Variants in LSP1 observed in about 807,000 individuals in gnomAD.
The protein encoded by LSP1 is lymphocyte-specific protein 1.
A neutral mutation model predicts 49.3 loss-of-function variants in LSP1; 32 were observed. The observed-to-expected ratio is 0.65, with a 90% CI of 0.49 to 0.87. The LOEUF (loss-of-function observed/expected upper bound fraction) is 0.87. LSP1 is among the 40% of genes least tolerant of loss of function. The pLI, the probability that LSP1 is intolerant of heterozygous loss-of-function variation, is 0.00. For synonymous variants in LSP1, 179 were observed against 178.8 expected (o/e 1.00, Z -0.01); for missense variants, 428 against 442.6 (o/e 0.97, Z 0.30).
intron 1 of LSP1, among the ~76,000 whole-genome samples, chr11:1,867,415 T>G (rs1017558813): frequency 5.4e-5 from 7 of 129,218 alleles, no homozygotes; most frequent in African/African-American, 2.1e-4. Context: ...ACCACTGCCA[T>G]GATCTCTTCT....
intron 1 of LSP1, among the ~76,000 whole-genome samples, chr11:1,879,344 T>TCAAA (rs965681897): frequency 6.6e-6 from 1 of 152,020 alleles, no homozygotes; most frequent in South Asian, 2.1e-4. Flanking sequence ...AAACTCCGTC[T>TCAAA]CAAACAAACA....
intron 1 of LSP1, chr11:1,864,277 C>A: frequency 1.0e-6 from 1 of 985,092 alleles, no homozygotes; most frequent in Non-Finnish European, 1.2e-6. Flanking sequence ...ACAAGAACGG[C>A]CGACGAAGGA....
chr11:1,891,764 A>G lies in LSP1; in HGVS notation c.*14-9A>G, dbSNP rs1849010256. ...CTAATGCCCCCTGCACCCCATGCCT[A>G]TGTTCCAGCTTCCTGGGTCTGCAGG... On this transcript the variant is annotated splice_polypyrimidine_tract_variant and intron_variant, in intron 10 of 10. Transcript: ENST00000311604. 1 of 152,358 alleles carries G rather than the reference A, an allele frequency of 6.6e-6. No individual in the cohort carries two copies. Among genetic ancestry groups the G allele is most frequent in the Non-Finnish European group, 1.5e-5 (1 of 68,198 alleles). 9.4% of individuals were successfully genotyped at this position (152,358 alleles called of 1,614,324 possible). A position where few individuals can be genotyped will look rare whatever the true frequency, so the allele number is the denominator to read the frequency against.
intron 1 of LSP1, among the ~76,000 whole-genome samples, chr11:1,854,884 T>G (rs1847449326): frequency 2.0e-5 from 3 of 152,188 alleles, no homozygotes; most frequent in Admixed American, 2.0e-4. Context: ...GGCCTCATCC[T>G]TGGCCACCCC....
In LSP1 at chr11:1,886,395, A is replaced by G. The variant is rs541942006; in HGVS notation, c.718-337A>G. On this transcript the variant is annotated intron_variant, in intron 7 of 10. Coordinates refer to ENST00000311604, the MANE Select transcript of LSP1 (RefSeq NM_002339.3). ...TAATCAATGCTCCTCCATCCAACCA[A>G]TACTCTGAAATTTAACCATTGTCCC... Among the ~76,000 whole-genome samples the G allele has an allele frequency of 6.7e-5, 10 of 149,212 alleles. No homozygotes were observed. In the South Asian group the frequency reaches 1.7e-3, roughly 25 times the overall value.
Position 1,889,499 on chromosome 11 carries a change from C to G in LSP1, c.*13+1923C>G, listed in dbSNP as rs1203394597. Reference sequence around the variant, plus strand: ...GGGTGGGCACCTCTGGCTCCAGGCTCTGCCGCGGCTCTGGGCACGGAGGCT... The same window carrying G: ...GGGTGGGCACCTCTGGCTCCAGGCTGTGCCGCGGCTCTGGGCACGGAGGCT... On this transcript the variant is annotated intron_variant, in intron 10 of 10. Coordinates refer to ENST00000311604, the MANE Select transcript of LSP1 (RefSeq NM_002339.3). 6.5e-6 allele frequency: 4 copies of G among 618,634 alleles called. No individual in the cohort carries two copies. The East Asian group carries it at 8.5e-5, about 13-fold the overall frequency. 38.3% of individuals were successfully genotyped at this position (618,634 alleles called of 1,614,324 possible). A position where few individuals can be genotyped will look rare whatever the true frequency, so the allele number is the denominator to read the frequency against.
At chr11:1,853,360 T>A (rs994774839) in intron 1 of LSP1, among the ~76,000 whole-genome samples, 163 bp downstream of exon 1, 2 of 152,122 alleles carry the variant, frequency 1.3e-5, no homozygotes, top group Non-Finnish European at 2.9e-5. Context: ...CACAGACAGG[T>A]GGCAGGAAGT....
At chr11:1,887,205 G>C (rs774442090) in intron 8 of LSP1, 32 bp from the exon 9 acceptor site, 14 of 1,430,596 alleles carry the variant, frequency 9.8e-6, no homozygotes, top group Non-Finnish European at 1.4e-5. Flanking sequence ...CCAGGGGTCT[G>C]CCCTTGTGAC....
At chr11:1,878,498 C>T (rs1306273665) in intron 1 of LSP1, among the ~76,000 whole-genome samples, 2 of 151,776 alleles carry the variant, frequency 1.3e-5, no homozygotes, top group Admixed American at 6.5e-5. Flanking sequence ...GCGGGGTGCA[C>T]AGGCGGCTGG....
At chr11:1,868,588 C>T (rs1847872362) in intron 1 of LSP1, 4 of 943,566 alleles carry the variant, frequency 4.2e-6, no homozygotes, top group Admixed American at 6.2e-5. Flanking sequence ...AGCCAGGCCT[C>T]CAACCACAGT....
chr11:1,862,532 G>A (rs1847668742), intron 1 of LSP1, among the ~76,000 whole-genome samples: 1 of 152,156 alleles, frequency 6.6e-6, no homozygotes, highest in Non-Finnish European at 1.5e-5. Context: ...AGGCAAGGAG[G>A]AAATAGGCAG....
chr11:1,865,311 C>T (rs1400734973), intron 1 of LSP1: 2 of 909,444 alleles, frequency 2.2e-6, no homozygotes, highest in East Asian at 2.4e-4. Flanking sequence ...GCAGGGTGCC[C>T]ATGCTGGGCT....
chr11:1,868,795 G>A, intron 1 of LSP1: 1 of 985,786 alleles, frequency 1.0e-6, no homozygotes, highest in Non-Finnish European at 1.2e-6. Context: ...AGAGCCCAGA[G>A]GACGGCGGTT....
chr11:1,876,751 G>C, intron 1 of LSP1: 2 of 578,350 alleles, frequency 3.5e-6, no homozygotes, highest in Admixed American at 6.3e-5. Flanking sequence ...GAGAAGAAGG[G>C]CCAGCGTCCC....
chr11:1,866,883 A>T (rs1416863114), intron 1 of LSP1: 1 of 1,531,282 alleles, frequency 6.5e-7, no homozygotes, highest in African/African-American at 1.4e-5. Flanking sequence ...GCATCCGTCC[A>T]GCGGGCCCAG....
chr11:1,873,251 C>T (rs1046261663), intron 1 of LSP1, among the ~76,000 whole-genome samples: 27 of 152,128 alleles, frequency 1.8e-4, no homozygotes, highest in Non-Finnish European at 2.5e-4. Context: ...GGCATACGCA[C>T]GGCCACTGCA....
intron 1 of LSP1, among the ~76,000 whole-genome samples, chr11:1,868,222 C>CA (rs1458969025): frequency 6.6e-5 from 10 of 152,230 alleles, no homozygotes; most frequent in Admixed American, 3.3e-4. Context: ...TGAGAGGGCA[C>CA]CAGGCCGGCT....
chr11:1,882,704 T>G (rs1239313328), intron 3 of LSP1, among the ~76,000 whole-genome samples: 1 of 152,146 alleles, frequency 6.6e-6, no homozygotes, highest in Non-Finnish European at 1.5e-5. Context: ...ACAGACCTGC[T>G]CCTGAATGGC....
intron 1 of LSP1, among the ~76,000 whole-genome samples, chr11:1,879,314 C>A (rs565091120): frequency 1.3e-5 from 2 of 152,204 alleles, no homozygotes; most frequent in Admixed American, 1.3e-4. Flanking sequence ...CATTGCACTC[C>A]AGCCTGGGCA....
Sources: allele counts gnomAD v4.1 joint callset (sites outside exome capture counted in the v4.1 genomes callset), GRCh38; gene constraint gnomAD v4.1.1; transcripts MANE v1.5; gene names NCBI Gene and HGNC (gene_info 2026-07-23, HGNC 2026-07-21).